NELL2: variants seen among roughly 807,000 people sequenced by gnomAD.
NELL2 encodes the protein protein kinase C-binding protein NELL2.
A neutral mutation model predicts 109.6 loss-of-function variants in NELL2; 41 were observed. That is an observed-to-expected ratio of 0.37 (90% CI 0.29 to 0.49). The LOEUF is 0.49. Among genes scored for constraint, NELL2 ranks in the 20% least tolerant of loss-of-function variants. The pLI is 0.98. For missense variants in NELL2, 900 were observed against 1,008.3 expected (o/e 0.89, Z 1.45); for synonymous variants, 355 against 344.7 (o/e 1.03, Z -0.33).
At chr12:44,629,831 C>T (rs563908440) in intron 13 of NELL2, among the ~76,000 whole-genome samples, 2 of 152,258 alleles carry the variant, frequency 1.3e-5, no homozygotes, top group East Asian at 3.9e-4. Context: ...GTAATTATTT[C>T]CTGACCTAGA....
At chr12:44,824,427 A>G (rs1325627074) in intron 2 of NELL2, among the ~76,000 whole-genome samples, 1 of 152,154 alleles carries the variant, frequency 6.6e-6, no homozygotes, top group Non-Finnish European at 1.5e-5. Flanking sequence ...ATGTCTGTAT[A>G]TGGTGTGAGA....
At chr12:44,879,800 G>A (rs949491215), upstream of NELL2, among the ~76,000 whole-genome samples, 6 of 151,986 alleles carry the variant, frequency 3.9e-5, no homozygotes, top group East Asian at 1.9e-4. Context: ...CATGTTGGCC[G>A]AAGCTTGCCA....
intron 13 of NELL2, among the ~76,000 whole-genome samples, chr12:44,651,016 G>A (rs1947281166): frequency 6.6e-6 from 1 of 152,252 alleles, no homozygotes; most frequent in Non-Finnish European, 1.5e-5. Context: ...CCACACAGCA[G>A]GAGGTGATCA....
At chr12:44,720,024 C>T (rs1004637022) in intron 9 of NELL2, among the ~76,000 whole-genome samples, 2 of 114,686 alleles carry the variant, frequency 1.7e-5, no homozygotes, top group Non-Finnish European at 4.4e-5. Flanking sequence ...ATTTATCCTG[C>T]CTACAACCTT....
In NELL2 at chr12:44,557,428, AAG is replaced by A. The variant is rs1489478063; in HGVS notation, c.1664-24709_1664-24708del. ...GTAAAGTTGAAGGGGAGATGGTAGA[AAG>A]AGAGCTATATTAGAGAAAGGAAGAA... On this transcript the variant is annotated intron_variant, in intron 15 of 19. Coordinates refer to ENST00000429094, the MANE Select transcript of NELL2 (RefSeq NM_001145108.2). 7.2e-5 allele frequency among the ~76,000 whole-genome samples: 11 copies of A among 152,292 alleles called. No homozygotes were observed. The East Asian group carries it at 2.1e-3, about 29-fold the overall frequency.
intron 12 of NELL2, among the ~76,000 whole-genome samples, chr12:44,681,641 C>CCCA (rs1948510643): frequency 6.6e-6 from 1 of 151,956 alleles, no homozygotes; most frequent in South Asian, 2.1e-4. Flanking sequence ...CTGTTCAACT[C>CCCA]CCACCTATGG....
At chr12:44,709,958 A>G (rs112891860) in intron 11 of NELL2, among the ~76,000 whole-genome samples, 4 of 152,194 alleles carry the variant, frequency 2.6e-5, no homozygotes, top group African/African-American at 7.2e-5. Flanking sequence ...TCCTTATTAT[A>G]TGTCTATGTG....
intron 2 of NELL2, among the ~76,000 whole-genome samples, chr12:44,867,910 A>G (rs979814995): frequency 3.3e-5 from 5 of 152,232 alleles, no homozygotes; most frequent in African/African-American, 1.2e-4. Context: ...ACTTGAGGTG[A>G]GGAGTTCAAG....
At chr12:44,530,650 T>G (rs547623065) in intron 16 of NELL2, among the ~76,000 whole-genome samples, 1 of 152,358 alleles carries the variant, frequency 6.6e-6, no homozygotes, top group African/African-American at 2.4e-5. Context: ...ATTCGGCATC[T>G]GCTCTTGGAT....
At chr12:44,884,328 A>T (rs992997628) in intron 1 of NELL2, among the ~76,000 whole-genome samples, 1 of 151,970 alleles carries the variant, frequency 6.6e-6, no homozygotes, top group African/African-American at 2.4e-5. Flanking sequence ...AATGTATGAA[A>T]CATTTACCTG....
chr12:44,819,850 T>G (rs1943481888), intron 2 of NELL2, among the ~76,000 whole-genome samples: 1 of 152,142 alleles, frequency 6.6e-6, no homozygotes, highest in African/African-American at 2.4e-5. Context: ...AACAATAATA[T>G]TCTTTTTTTC....
At chr12:44,900,766 G>A (rs1945650479) in intron 1 of NELL2, among the ~76,000 whole-genome samples, 1 of 151,514 alleles carries the variant, frequency 6.6e-6, no homozygotes, top group Non-Finnish European at 1.5e-5. Context: ...TGAGGGAGGT[G>A]GATCACAAGG....
At chr12:44,682,167 A>G (rs1369884991) in intron 12 of NELL2, among the ~76,000 whole-genome samples, 1 of 149,926 alleles carries the variant, frequency 6.7e-6, no homozygotes, top group East Asian at 1.9e-4. Flanking sequence ...TCTGATGGCC[A>G]GAGATGGTGA....
At chr12:44,541,758 T>C (rs1174969906) in intron 15 of NELL2, among the ~76,000 whole-genome samples, 2 of 152,182 alleles carry the variant, frequency 1.3e-5, no homozygotes, top group African/African-American at 4.8e-5. Flanking sequence ...ATTCCTGTTG[T>C]TGGCTATGTG....
chr12:44,671,601 G>T (rs552446945), intron 12 of NELL2, among the ~76,000 whole-genome samples: 1 of 152,200 alleles, frequency 6.6e-6, no homozygotes, highest in Admixed American at 6.5e-5. Flanking sequence ...TGATACCACA[G>T]AAATAGAAAG....
chr12:44,854,213 G>A (rs1035796043), intron 2 of NELL2, among the ~76,000 whole-genome samples: 10 of 152,002 alleles, frequency 6.6e-5, no homozygotes. Context: ...CTTGCCTAGG[G>A]GATTCTCAAT....
At chr12:44,723,230 G>A (rs1290790423) in intron 9 of NELL2, among the ~76,000 whole-genome samples, 2 of 151,896 alleles carry the variant, frequency 1.3e-5, no homozygotes, top group Admixed American at 6.6e-5. Flanking sequence ...CATGCTAGAC[G>A]AGTTAAAAAA....
rs532372209 is a variant in NELL2 at position 44,711,406 on chromosome 12, C to T, written c.1087-12G>A. On this transcript the variant is annotated splice_polypyrimidine_tract_variant and intron_variant, in intron 10 of 19. Coordinates refer to ENST00000429094, the MANE Select transcript of NELL2 (RefSeq NM_001145108.2). ...TTCATGGTCTGGTCCTGTTAGACAA[C>T]AGAAAAGAAGTGCTTCAAATTTTAT... The T allele has an allele frequency of 6.2e-7, 1 of 1,604,336 alleles. No individual in the cohort carries two copies. Among genetic ancestry groups the T allele is most frequent in the African/African-American group, 1.3e-5 (1 of 74,774 alleles).
At chr12:44,764,455 A>C (rs1166545428) in intron 9 of NELL2, among the ~76,000 whole-genome samples, 1 of 152,186 alleles carries the variant, frequency 6.6e-6, no homozygotes, top group Non-Finnish European at 1.5e-5. Context: ...CTTACTAATC[A>C]TAGAGAAATA....
Sources: gnomAD v4.1 joint callset for allele counts (sites outside exome capture counted in the v4.1 genomes callset) on GRCh38, gnomAD v4.1.1 for gene constraint, MANE v1.5 for transcripts, NCBI Gene and HGNC (gene_info 2026-07-23, HGNC 2026-07-21) for gene names.